SASS6: variants seen among roughly 807,000 people sequenced by gnomAD.
SASS6 encodes the protein spindle assembly abnormal protein 6 homolog.
Under a neutral mutation model 94.9 loss-of-function variants are expected in SASS6, and 59 were observed. The observed-to-expected ratio is 0.62, with a 90% CI of 0.50 to 0.77. The LOEUF is 0.77. SASS6 is among the 30% of genes least tolerant of loss of function. The pLI, the probability that SASS6 is intolerant of heterozygous loss-of-function variation, is 0.00. For missense variants in SASS6, 698 were observed against 734.1 expected, an observed-to-expected ratio of 0.95 and a Z score of 0.57; for synonymous variants, 264 against 270.0, an observed-to-expected ratio of 0.98 and a Z score of 0.22.
intron 14 of SASS6, among the ~76,000 whole-genome samples, chr1:100,100,372 A>G (rs1306632070): frequency 6.6e-6 from 1 of 152,248 alleles, no homozygotes; most frequent in Non-Finnish European, 1.5e-5. Context: ...CCATAGTGTC[A>G]GGGCATTTGT....
At chr1:100,110,219 A>C in intron 8 of SASS6, 73 bp downstream of exon 8, 1 of 869,172 alleles carries the variant, frequency 1.2e-6, no homozygotes, top group African/African-American at 1.7e-5. Flanking sequence ...CACCCACACA[A>C]GTAACCACAT....
chr1:100,113,450 GAC>G lies in SASS6; in HGVS notation c.670-2969_670-2968del, dbSNP rs575073316. 2.2e-4 allele frequency among the ~76,000 whole-genome samples: 34 copies of G among 151,632 alleles called. 1 individual carries two copies. The South Asian group carries it at 6.0e-3, about 27-fold the overall frequency. ...GGTGAAACCCTGTCTCTACTAAAAAGACAAAAAAAAGTACAAAAAAATCAGCC... is the reference window on the plus strand; with the variant it reads ...GGTGAAACCCTGTCTCTACTAAAAAGAAAAAAAAGTACAAAAAAATCAGCC... On this transcript the variant is annotated intron_variant, in intron 7 of 16. Transcript: ENST00000287482.
intron 5 of SASS6, among the ~76,000 whole-genome samples, chr1:100,120,833 G>A (rs1162293541): frequency 1.3e-5 from 2 of 151,896 alleles, no homozygotes; most frequent in Non-Finnish European, 2.9e-5. Context: ...GGCGGATCAC[G>A]AGGTCAGGAG....
chr1:100,100,776 A>G (rs1179817721), intron 14 of SASS6, among the ~76,000 whole-genome samples: 2 of 152,258 alleles, frequency 1.3e-5, no homozygotes, highest in Non-Finnish European at 2.9e-5. Context: ...TCAAAAGTAC[A>G]TGTTTTAATC....
chr1:100,106,391 T>A (rs1339313408), intron 12 of SASS6, among the ~76,000 whole-genome samples: 3 of 152,204 alleles, frequency 2.0e-5, no homozygotes, highest in African/African-American at 7.2e-5. Flanking sequence ...GTTACTGACC[T>A]ATGGGATATG....
intron 3 of SASS6, 65 bp from the exon 4 acceptor site, chr1:100,122,549 CT>C (rs71075469): frequency 0.058 from 12,904 of 221,236 alleles, no homozygotes; most frequent in South Asian, 0.1. Flanking sequence ...GTTTTGGTGC[CT>C]TTTTTTTTTT....
At chr1:100,106,225 T>C (rs1165888897) in intron 12 of SASS6, among the ~76,000 whole-genome samples, 2 of 152,214 alleles carry the variant, frequency 1.3e-5, no homozygotes, top group East Asian at 3.8e-4. Context: ...CCCAGTAGTA[T>C]AAACTGAGAA....
chr1:100,123,246 A>G lies in SASS6; in HGVS notation c.170T>C (p.Leu57Ser). 1.3e-6 allele frequency: 2 copies of G among 1,503,268 alleles called. No homozygotes were observed. Among genetic ancestry groups the G allele is most frequent in the Non-Finnish European group, 1.8e-6 (2 of 1,092,122 alleles). 93.1% of individuals were successfully genotyped at this position (1,503,268 alleles called of 1,614,324 possible). The change falls in exon 3 of 17, where the codon TTA becomes TCA. Residue 57 changes from leucine (L) to serine (S), a missense_variant. Physicochemically the swap from Leu to Ser is moderately radical, Grantham distance 145. Transcript: ENST00000287482. ...RLTDDTDPFFLYNLVISEEDF... is the reference protein window; with the variant it reads ...RLTDDTDPFFSYNLVISEEDF... ...TTCCTCAGATATAACAAGGTTATAT[A>G]AAAAAAATGGATCCGTGTCATCAGT...
rs983495410 is a variant in SASS6 at position 100,084,049 on chromosome 1, A to T, written c.*1279T>A. On this transcript the variant is annotated 3_prime_UTR_variant, in exon 17 of 17. Transcript: ENST00000287482. The stretch of plus-strand genomic sequence containing the variant: ...ATCTAAATGGGGGAGGTGGGGGAGT[A>T]TCAACTGCCTAATATTAGTTACTGA... 6.6e-6 allele frequency: 1 copy of T among 151,818 alleles called. No homozygotes were observed. Among genetic ancestry groups the T allele is most frequent in the African/African-American group, 2.4e-5 (1 of 41,378 alleles). 9.4% of individuals were successfully genotyped at this position (151,818 alleles called of 1,614,324 possible).
Position 100,086,513 on chromosome 1 carries a change from ATT to A in SASS6, c.1773-885_1773-884del, listed in dbSNP as rs11327228. Among the ~76,000 whole-genome samples, 468 of 136,096 alleles carry A rather than the reference ATT, an allele frequency of 3.4e-3. 4 individuals carry two copies. In the East Asian group the frequency reaches 0.04, roughly 12 times the overall value. 89.3% of individuals were successfully genotyped at this position (136,096 alleles called of 152,430 possible). On this transcript the variant is annotated intron_variant, in intron 15 of 16. Coordinates refer to ENST00000287482, the MANE Select transcript of SASS6 (RefSeq NM_194292.3). ...AAATTGCTCTGTCTATAATGATTTG[ATT>A]TTTTTTTTTTTTTTTGAGACAGGTT...
In SASS6 at chr1:100,105,878, T is replaced by A; in HGVS notation, c.1434A>T (p.Leu478=). 1 of 1,607,194 alleles carries A rather than the reference T, an allele frequency of 6.2e-7. No individual in the cohort carries two copies. The highest frequency in any genetic ancestry group is 8.5e-7 in the Non-Finnish European group (1 of 1,175,410). ...EKLITWLNKE[L]NENQLVRKQD... is the part of the protein sequence containing the mutation. Reference sequence around the variant, plus strand: ...GCTTTCTCACTAGCTGATTTTCATTTAGTTCTTTATTTAACCACGTGATTA... The same window carrying A: ...GCTTTCTCACTAGCTGATTTTCATTAAGTTCTTTATTTAACCACGTGATTA... Residue 478 remains leucine, a synonymous_variant, in exon 13 of 17, where the codon CTA becomes CTT. Coordinates refer to ENST00000287482, the MANE Select transcript of SASS6 (RefSeq NM_194292.3).
chr1:100,099,004 A>G (rs1338830228), intron 14 of SASS6, among the ~76,000 whole-genome samples: 1 of 152,044 alleles, frequency 6.6e-6, no homozygotes, highest in East Asian at 1.9e-4. Context: ...CACAGTAGGG[A>G]CTTTTAGATA....
chr1:100,123,397 T>C lies in SASS6; in HGVS notation c.127-108A>G, dbSNP rs140381535. 1,080 of 560,816 alleles carry C rather than the reference T, an allele frequency of 1.9e-3. 4 individuals carry two copies. Among genetic ancestry groups the C allele is most frequent in the Admixed American group, 4.7e-3 (130 of 27,396 alleles). The allele number at this position is 560,816 out of a possible 1,614,324, so 34.7% of individuals were successfully genotyped here. The stretch of plus-strand genomic sequence containing the variant: ...ACAACATCAGTGTATCATAGTTATA[T>C]TGCAGACAGCTTTGTTTTCTAGTGC... On this transcript the variant is annotated intron_variant, in intron 2 of 16. Transcript: ENST00000287482.
intron 7 of SASS6, among the ~76,000 whole-genome samples, chr1:100,113,908 C>T (rs939029753): frequency 3.3e-5 from 5 of 152,048 alleles, no homozygotes; most frequent in Admixed American, 2.6e-4. Context: ...CCAGTAGTCC[C>T]TGCTACTCTA....
intron 15 of SASS6, among the ~76,000 whole-genome samples, chr1:100,086,904 T>C (rs938096619): frequency 2.0e-5 from 3 of 152,208 alleles, no homozygotes; most frequent in Non-Finnish European, 4.4e-5. Context: ...GAATTCAAGG[T>C]GCTCTCCCTT....
chr1:100,097,622 C>G (rs1281787852), intron 14 of SASS6, among the ~76,000 whole-genome samples: 1 of 151,862 alleles, frequency 6.6e-6, no homozygotes. Context: ...CCCAGGAATT[C>G]GAAATCACCC....
chr1:100,104,433 C>A (rs1652736081), intron 13 of SASS6, among the ~76,000 whole-genome samples: 1 of 152,062 alleles, frequency 6.6e-6, no homozygotes, highest in African/African-American at 2.4e-5. Flanking sequence ...CAAACCACCT[C>A]TGAATGTAAG....
intron 6 of SASS6, 107 bp from the exon 7 acceptor site, chr1:100,119,244 A>G (rs1653999099): frequency 8.9e-6 from 5 of 562,798 alleles, no homozygotes; most frequent in Non-Finnish European, 1.4e-5. Flanking sequence ...ACAAAATTAT[A>G]GCTTTTCAGG....
chr1:100,095,984 A>C (rs759684063), intron 14 of SASS6, among the ~76,000 whole-genome samples: 2 of 152,234 alleles, frequency 1.3e-5, no homozygotes, highest in Non-Finnish European at 2.9e-5. Flanking sequence ...ATTTCTTTGA[A>C]AACTGACCTA....
Sources: gnomAD v4.1 joint callset for allele counts (sites outside exome capture counted in the v4.1 genomes callset) on GRCh38, gnomAD v4.1.1 for gene constraint, MANE v1.5 for transcripts, NCBI Gene and HGNC (gene_info 2026-07-23, HGNC 2026-07-21) for gene names.